The following FAF2 variants were observed in gnomAD, a reference collection of about 807,000 sequenced individuals.
FAF2 encodes Fas associated factor family member 2, also known as FAS-associated factor 2.
Under a neutral mutation model 62.3 loss-of-function variants are expected in FAF2, and 9 were observed. The ratio of observed to expected loss-of-function variants is 0.14; its 90% confidence interval spans 0.09 to 0.25. FAF2 has a LOEUF of 0.25. FAF2 is among the 10% of genes least tolerant of loss of function. The pLI is 1.00. For synonymous variants in FAF2, 202 were observed against 198.0 expected (o/e 1.02, Z -0.17); for missense variants, 368 against 556.2 (o/e 0.66, Z 3.40).
Position 176,494,362 on chromosome 5 carries a change from T to C in FAF2, c.661+87T>C. The C allele has an allele frequency of 1.7e-6, 2 of 1,150,530 alleles. No homozygotes were observed. Among genetic ancestry groups the C allele is most frequent in the South Asian group, 2.5e-5 (2 of 80,998 alleles). 71.3% of individuals were successfully genotyped at this position (1,150,530 alleles called of 1,614,324 possible). A position where few individuals can be genotyped will look rare whatever the true frequency, so the allele number is the denominator to read the frequency against. On this transcript the variant is annotated intron_variant, in intron 7 of 10. Coordinates refer to ENST00000261942, the MANE Select transcript of FAF2 (RefSeq NM_014613.3). This position sits in a 1 kb window ranked among gnomAD's most constrained non-coding sequence, Gnocchi z 4.0. The stretch of plus-strand genomic sequence containing the variant: ...GACATGCCATGCCATTTATTACAAG[T>C]GTGTTTGTTCTGTGGTAGATACGAC...
In FAF2 at chr5:176,496,657, T is replaced by C; in HGVS notation, c.833T>C (p.Leu278Pro). ...CAGACTTACCTGGTGTCAGAACGCC[T>C]AGAAAGGTACAAGGGAGTTCCCTTC... ...ANQTYLVSER[L>P]EREERNQTQV... The change falls in exon 8 of 11, where the codon CTA becomes CCA. Residue 278 changes from leucine (L) to proline (P), a missense_variant. Leu to Pro is a moderately conservative substitution (Grantham distance 98). Coordinates refer to ENST00000261942, the MANE Select transcript of FAF2 (RefSeq NM_014613.3). 6.3e-7 allele frequency: 1 copy of C among 1,584,584 alleles called. No individual in the cohort carries two copies. Among genetic ancestry groups the C allele is most frequent in the Non-Finnish European group, 8.6e-7 (1 of 1,165,968 alleles).
At chr5:176,471,745 G>A (rs574611495) in intron 1 of FAF2, among the ~76,000 whole-genome samples, 6 of 148,440 alleles carry the variant, frequency 4.0e-5, no homozygotes, top group African/African-American at 1.2e-4. Flanking sequence ...GGAGTGCAGT[G>A]GTGCGATCTT....
chr5:176,451,871 CACACATATAT>C (rs1561813597), intron 1 of FAF2, among the ~76,000 whole-genome samples: 3 of 26,386 alleles, frequency 1.1e-4, no homozygotes, highest in African/African-American at 3.1e-4. Flanking sequence ...TATATATATA[CACACATATAT>C]ATATATATAT....
At chr5:176,457,031 G>A (rs1340733937) in intron 1 of FAF2, among the ~76,000 whole-genome samples, 1 of 151,990 alleles carries the variant, frequency 6.6e-6, no homozygotes, top group African/African-American at 2.4e-5. Flanking sequence ...AGTGGGCTGG[G>A]CATCGATATT....
At chr5:176,471,281 C>T (rs182938312) in intron 1 of FAF2, among the ~76,000 whole-genome samples, 1 of 151,720 alleles carries the variant, frequency 6.6e-6, no homozygotes, top group Non-Finnish European at 1.5e-5. Flanking sequence ...GAATGACTTA[C>T]TTTAAAATGT....
intron 4 of FAF2, among the ~76,000 whole-genome samples, chr5:176,490,818 A>C (rs1056892532): frequency 3.3e-5 from 5 of 151,654 alleles, no homozygotes; most frequent in African/African-American, 1.2e-4. Flanking sequence ...AATTGTGTAG[A>C]TCGTGGGAAT....
At chr5:176,481,298 C>T (rs556765331) in intron 2 of FAF2, among the ~76,000 whole-genome samples, 8 of 152,148 alleles carry the variant, frequency 5.3e-5, no homozygotes, top group South Asian at 2.1e-4. Context: ...CACCCACCTC[C>T]GCCTCCCAAG....
chr5:176,492,147 C>G, intron 4 of FAF2, 47 bp from the exon 5 acceptor site: 1 of 1,611,974 alleles, frequency 6.2e-7, no homozygotes. Context: ...ACTCGATATG[C>G]ACTGTAGTAA....
At chr5:176,499,686 C>T (rs1278500716) in intron 9 of FAF2, among the ~76,000 whole-genome samples, 1 of 151,776 alleles carries the variant, frequency 6.6e-6, no homozygotes, top group African/African-American at 2.4e-5. Context: ...TTCACCAGTG[C>T]AATCATGGAG....
At chr5:176,450,504 G>A (rs912841244) in intron 1 of FAF2, among the ~76,000 whole-genome samples, 6 of 151,996 alleles carry the variant, frequency 3.9e-5, no homozygotes, top group African/African-American at 1.2e-4. Context: ...ATCTATGATA[G>A]CATTTCTGAA....
intron 1 of FAF2, among the ~76,000 whole-genome samples, chr5:176,470,272 T>G (rs558546865): frequency 4.6e-5 from 7 of 152,226 alleles, no homozygotes; most frequent in Non-Finnish European, 8.8e-5. Flanking sequence ...ATTTCTAATC[T>G]TTCTCTAATA....
chr5:176,489,912 A>G (rs1758944207), intron 4 of FAF2, among the ~76,000 whole-genome samples: 1 of 152,148 alleles, frequency 6.6e-6, no homozygotes, highest in South Asian at 2.1e-4. Context: ...CCTTTTATGT[A>G]TATACCCACT....
At chr5:176,481,523 G>T (rs972139503) in intron 2 of FAF2, among the ~76,000 whole-genome samples, 1 of 152,110 alleles carries the variant, frequency 6.6e-6, no homozygotes, top group African/African-American at 2.4e-5. Flanking sequence ...CAGGTGTGGT[G>T]GTGGGCGCCT....
Position 176,488,967 on chromosome 5 carries a change from G to T in FAF2, c.284G>T (p.Gly95Val). ...GACTTTCAGGGGCTGCTTGGATGGG[G>T]TTATTACTTGATAATGCTTCCATTC... ...RPQPRGLLGW[G>V]YYLIMLPFRF... The change falls in exon 4 of 11, where the codon GGT (glycine) becomes GTT (valine). Residue 95 changes from glycine to valine, a missense_variant. Gly to Val is a moderately radical substitution (Grantham distance 109). Transcript: ENST00000261942. The T allele has an allele frequency of 1.2e-6, 2 of 1,613,918 alleles. No individual in the cohort carries two copies. The highest frequency in any genetic ancestry group is 1.7e-6 in the Non-Finnish European group (2 of 1,179,890).
intron 1 of FAF2, among the ~76,000 whole-genome samples, chr5:176,472,889 A>G (rs908021160): frequency 7.2e-5 from 11 of 152,136 alleles, no homozygotes; most frequent in Non-Finnish European, 8.8e-5. Flanking sequence ...TCTGTCTCCA[A>G]TGTTTCCTCC....
At position 176,492,652 on chromosome 5, in the gene FAF2, T is replaced by C. The variant is rs116623516; in HGVS notation, c.483+320T>C. Among the ~76,000 whole-genome samples, 1,146 of 152,256 alleles carry C rather than the reference T, an allele frequency of 7.5e-3. 13 individuals carry two copies. The highest frequency in any genetic ancestry group is 0.026 in the African/African-American group (1,065 of 41,552). The stretch of plus-strand genomic sequence containing the variant: ...TGCCGGTCCATCCACGTGGAATGCC[T>C]TCCTCACATTTTTGCTAATTGGAAT... On this transcript the variant is annotated intron_variant, in intron 5 of 10. Transcript: ENST00000261942.
At chr5:176,461,172 C>T (rs150918448) in intron 1 of FAF2, among the ~76,000 whole-genome samples, 1 of 152,050 alleles carries the variant, frequency 6.6e-6, no homozygotes, top group East Asian at 1.9e-4. Context: ...TACTAACATG[C>T]CCAGCTAATT....
At chr5:176,462,060 C>T (rs967874167) in intron 1 of FAF2, among the ~76,000 whole-genome samples, 1 of 152,054 alleles carries the variant, frequency 6.6e-6, no homozygotes, top group Non-Finnish European at 1.5e-5. Flanking sequence ...GAGGATCACC[C>T]GAGGTCAGGA....
At chr5:176,457,984 G>A (rs977992766) in intron 1 of FAF2, among the ~76,000 whole-genome samples, 1 of 152,174 alleles carries the variant, frequency 6.6e-6, no homozygotes, top group African/African-American at 2.4e-5. Flanking sequence ...GACTAAACTT[G>A]TATAACTGGT....
Sources: gnomAD v4.1 joint callset for allele counts (sites outside exome capture counted in the v4.1 genomes callset) on GRCh38, gnomAD v4.1.1 for gene constraint, Gnocchi (gnomAD v3.1) non-coding constraint, MANE v1.5 for transcripts, NCBI Gene and HGNC (gene_info 2026-07-23, HGNC 2026-07-21) for gene names.